Variants in SV2C observed in about 807,000 individuals in gnomAD.
SV2C encodes the protein synaptic vesicle glycoprotein 2C.
Under a neutral mutation model 79.7 loss-of-function variants are expected in SV2C, and 49 were observed. That is an observed-to-expected ratio of 0.61 (90% confidence interval 0.49 to 0.78). The LOEUF (loss-of-function observed/expected upper bound fraction) is 0.78, where lower values mean the gene tolerates loss of function less well. SV2C is among the 30% of genes least tolerant of loss of function. The pLI is 0.00. For missense variants in SV2C, 833 were observed against 912.9 expected (o/e 0.91, Z 1.13); for synonymous variants, 334 against 333.2 (o/e 1.00, Z -0.03).
At chr5:76,025,738 T>C in the SV2C span, among the ~76,000 whole-genome samples, 1 of 152,218 alleles carries the variant, frequency 6.6e-6, no homozygotes, top group South Asian at 2.1e-4. Flanking sequence ...TAATAGCACA[T>C]TGAGAAAAAT....
At chr5:75,916,443 T>TCTC in the SV2C span, among the ~76,000 whole-genome samples, 2 of 131,874 alleles carry the variant, frequency 1.5e-5, no homozygotes, top group Non-Finnish European at 1.6e-5. Context: ...CCCCTTCTCC[T>TCTC]CTCCTCCTCC....
the SV2C span, among the ~76,000 whole-genome samples, chr5:75,908,143 T>A: frequency 6.6e-6 from 1 of 152,238 alleles, no homozygotes. Context: ...TCACAATCAA[T>A]TTTTAGATAA....
chr5:76,140,573 G>A (rs763753186), intron 2 of SV2C, among the ~76,000 whole-genome samples: 8 of 152,104 alleles, frequency 5.3e-5, no homozygotes, highest in Non-Finnish European at 1.0e-4. Flanking sequence ...TATAGTGACT[G>A]GCTCACGGTG....
intron 7 of SV2C, 64 bp from the exon 8 acceptor site, chr5:76,291,703 AG>A: frequency 9.3e-7 from 1 of 1,078,636 alleles, no homozygotes. Flanking sequence ...ATTTGGTGGA[AG>A]GGGTCGGGGA....
At chr5:75,873,601 A>G in the SV2C span, among the ~76,000 whole-genome samples, 2 of 152,318 alleles carry the variant, frequency 1.3e-5, no homozygotes, top group East Asian at 1.9e-4. Flanking sequence ...TCAGAAGACT[A>G]CAAAATCATT....
At chr5:75,898,885 G>C in the SV2C span, among the ~76,000 whole-genome samples, 5 of 152,164 alleles carry the variant, frequency 3.3e-5, no homozygotes, top group Middle Eastern at 3.2e-3. Context: ...TCTGATGGTA[G>C]TTTGTATTTC....
rs1375330284 is a variant in SV2C, at chr5:76,300,824, A to G, written c.1732A>G (p.Ser578Gly). 1.2e-6 allele frequency: 2 copies of G among 1,614,196 alleles called. No homozygotes were observed. Among genetic ancestry groups the G allele is most frequent in the Non-Finnish European group, 1.7e-6 (2 of 1,180,016 alleles). The change falls in exon 11 of 13, where the codon AGT becomes GGT. Residue 578 changes from serine (S) to glycine (G), a missense_variant. Coordinates refer to ENST00000502798, the MANE Select transcript of SV2C (RefSeq NM_014979.4). ...TCAGATTACCTTTGATGATGACTAT[A>G]GTGCCTACTGGATTTATTTTGTCAA... ...GCQITFDDDY[S>G]AYWIYFVNFL...
At chr5:76,340,985 C>G (rs1749430854) in intron 12 of SV2C, among the ~76,000 whole-genome samples, 2 of 144,810 alleles carry the variant, frequency 1.4e-5, no homozygotes, top group African/African-American at 5.1e-5. Flanking sequence ...GGCTGGAGTG[C>G]ACTAGTGCAA....
At chr5:76,082,968 G>C (rs996756304), upstream of SV2C, among the ~76,000 whole-genome samples, 2 of 152,196 alleles carry the variant, frequency 1.3e-5, no homozygotes, top group Admixed American at 1.3e-4. Context: ...ACTCCCTCGC[G>C]TCTCACGCTG....
At chr5:75,884,819 T>C in the SV2C span, among the ~76,000 whole-genome samples, 2 of 151,724 alleles carry the variant, frequency 1.3e-5, no homozygotes, top group Non-Finnish European at 2.9e-5. Context: ...TAATGAAAAA[T>C]TAAAATAGAA....
At chr5:76,065,372 A>G in the SV2C span, among the ~76,000 whole-genome samples, 26 of 152,334 alleles carry the variant, frequency 1.7e-4, no homozygotes, top group African/African-American at 6.0e-4. Context: ...AATATCTGTC[A>G]GAAGGTGGCA....
chr5:75,991,118 C>T, the SV2C span, among the ~76,000 whole-genome samples: 1 of 151,888 alleles, frequency 6.6e-6, no homozygotes, highest in Non-Finnish European at 1.5e-5. Flanking sequence ...TCACCAATAC[C>T]AGGAATTATT....
intron 4 of SV2C, among the ~76,000 whole-genome samples, chr5:76,228,779 T>C (rs993698003): frequency 3.5e-5 from 5 of 143,982 alleles, no homozygotes; most frequent in Non-Finnish European, 7.4e-5. Flanking sequence ...AACTCTTCTA[T>C]GAAGTACGCA....
chr5:76,008,298 A>C, the SV2C span, among the ~76,000 whole-genome samples: 1 of 152,196 alleles, frequency 6.6e-6, no homozygotes, highest in Non-Finnish European at 1.5e-5. Flanking sequence ...AAATTCAAAC[A>C]GGCTGCATTA....
downstream of SV2C, among the ~76,000 whole-genome samples, chr5:76,336,268 C>G (rs963834940): frequency 1.8e-4 from 27 of 151,574 alleles, no homozygotes; most frequent in African/African-American, 5.3e-4. Context: ...GGCTGCCAGG[C>G]GGAGGGTCTC....
chr5:75,900,627 G>A, the SV2C span, among the ~76,000 whole-genome samples: 3 of 152,256 alleles, frequency 2.0e-5, no homozygotes, highest in Non-Finnish European at 4.4e-5. Context: ...CTAGATTGGG[G>A]AAGTTCTCCT....
chr5:76,018,174 T>G, the SV2C span, among the ~76,000 whole-genome samples: 2 of 152,162 alleles, frequency 1.3e-5, no homozygotes, highest in Non-Finnish European at 2.9e-5. Context: ...CTGAAGCCAT[T>G]TAATAGATCG....
At chr5:76,033,825 A>C in the SV2C span, among the ~76,000 whole-genome samples, 1 of 151,814 alleles carries the variant, frequency 6.6e-6, no homozygotes. Flanking sequence ...TTGAATCTGT[A>C]AATTACCTTG....
At chr5:75,991,524 T>A in the SV2C span, among the ~76,000 whole-genome samples, 2 of 150,070 alleles carry the variant, frequency 1.3e-5, no homozygotes, top group Non-Finnish European at 3.0e-5. Flanking sequence ...CCCAAGGTTA[T>A]GCAATTATAT....
Sources: allele counts gnomAD v4.1 joint callset (sites outside exome capture counted in the v4.1 genomes callset), GRCh38; gene constraint gnomAD v4.1.1; transcripts MANE v1.5; gene names NCBI Gene and HGNC (gene_info 2026-07-23, HGNC 2026-07-21).